TTC27: variants seen among roughly 807,000 people sequenced by gnomAD.
TTC27 encodes the protein tetratricopeptide repeat protein 27.
A neutral mutation model predicts 115.9 loss-of-function variants in TTC27; 79 were observed. The ratio of observed to expected loss-of-function variants is 0.68; its 90% CI spans 0.57 to 0.82. TTC27 has a LOEUF of 0.82. Ranked by LOEUF, TTC27 falls within the 40% of genes least tolerant of loss-of-function variation. The probability of loss-of-function intolerance (pLI) is 0.00; values close to 1 mark genes in which losing one functional copy is unlikely to be tolerated. For missense variants in TTC27, 1,054 were observed against 993.1 expected, an observed-to-expected ratio of 1.06 and a Z score of -0.82; for synonymous variants, 401 against 356.0, an observed-to-expected ratio of 1.13 and a Z score of -1.42.
intron 8 of TTC27, among the ~76,000 whole-genome samples, chr2:32,677,746 C>A (rs977082445): frequency 6.6e-6 from 1 of 152,174 alleles, no homozygotes; most frequent in African/African-American, 2.4e-5. Context: ...AGCCACCGTG[C>A]CCGGCCCAAA....
chr2:32,667,085 G>T (rs1466049419), intron 7 of TTC27, among the ~76,000 whole-genome samples: 1 of 152,046 alleles, frequency 6.6e-6, no homozygotes, highest in Non-Finnish European at 1.5e-5. Flanking sequence ...AAATACGAAA[G>T]GCAGACTGGG....
chr2:32,677,807 A>G (rs1666270201), intron 8 of TTC27, among the ~76,000 whole-genome samples: 1 of 152,264 alleles, frequency 6.6e-6, no homozygotes, highest in Non-Finnish European at 1.5e-5. Flanking sequence ...TGGATCAGCA[A>G]GATCTAAGAA....
At chr2:32,758,610 ATAACTGG>A in intron 13 of TTC27, 91 bp downstream of exon 13, 1 of 1,200,512 alleles carries the variant, frequency 8.3e-7, no homozygotes, top group South Asian at 1.4e-5. Flanking sequence ...TTCTAACCTG[ATAACTGG>A]TGAGTTTGTT....
intron 9 of TTC27, among the ~76,000 whole-genome samples, chr2:32,698,870 C>T (rs1415030981): frequency 6.6e-6 from 1 of 152,138 alleles, no homozygotes; most frequent in African/African-American, 2.4e-5. Context: ...CCCAGATTGC[C>T]TAGGTCACAG....
chr2:32,674,073 C>A (rs1419777453), intron 8 of TTC27, among the ~76,000 whole-genome samples: 2 of 152,090 alleles, frequency 1.3e-5, no homozygotes, highest in African/African-American at 4.8e-5. Context: ...AAAATAGAAT[C>A]CCTCACAAAG....
chr2:32,719,904 A>G (rs986643822), intron 10 of TTC27, among the ~76,000 whole-genome samples: 3 of 152,150 alleles, frequency 2.0e-5, no homozygotes, highest in African/African-American at 7.2e-5. Context: ...ATTGATCATG[A>G]GGGTAAGTCT....
intron 9 of TTC27, among the ~76,000 whole-genome samples, chr2:32,682,841 A>ATTTTTTTT (rs1559204114): frequency 3.2e-4 from 25 of 77,494 alleles, no homozygotes; most frequent in Non-Finnish European, 4.3e-4. Context: ...GATAATTTTT[A>ATTTTTTTT]TTGTTGTTTT....
chr2:32,646,800 T>C (rs1202148955), intron 4 of TTC27, among the ~76,000 whole-genome samples: 1 of 151,724 alleles, frequency 6.6e-6, no homozygotes, highest in Non-Finnish European at 1.5e-5. Flanking sequence ...CCTGACCTTG[T>C]GATCCGCCTG....
chr2:32,727,034 C>T (rs1668132948), intron 10 of TTC27, among the ~76,000 whole-genome samples: 1 of 152,118 alleles, frequency 6.6e-6, no homozygotes, highest in Non-Finnish European at 1.5e-5. Context: ...CAATTACCTC[C>T]CACCGGGTCC....
chr2:32,646,942 G>A (rs1346162947), intron 4 of TTC27, among the ~76,000 whole-genome samples: 1 of 149,340 alleles, frequency 6.7e-6, no homozygotes, highest in Non-Finnish European at 1.5e-5. Context: ...ATTTTTGAGA[G>A]TTCAGCATAT....
At chr2:32,698,259 A>G (rs1667060861) in intron 9 of TTC27, among the ~76,000 whole-genome samples, 1 of 151,856 alleles carries the variant, frequency 6.6e-6, no homozygotes, top group Non-Finnish European at 1.5e-5. Flanking sequence ...CCTCCTGAGT[A>G]GTTGGAACTA....
rs555280802 is a variant in TTC27, at chr2:32,733,098, A to G, written c.1234-730A>G. Among the ~76,000 whole-genome samples, 6 of 152,354 alleles carry G rather than the reference A, an allele frequency of 3.9e-5. No homozygotes were observed. In the South Asian group the frequency reaches 8.3e-4, roughly 21 times the overall value. On this transcript the variant is annotated intron_variant, in intron 10 of 19. Coordinates refer to ENST00000317907, the MANE Select transcript of TTC27 (RefSeq NM_017735.5). ...TGATGCTGAATACATGAGCTCTTCT[A>G]TGACGAATCATTTGACCACTGGATA...
intron 7 of TTC27, among the ~76,000 whole-genome samples, chr2:32,670,838 C>T (rs373001123): frequency 7.2e-5 from 11 of 152,018 alleles, no homozygotes; most frequent in Non-Finnish European, 1.2e-4. Flanking sequence ...AGGCTGGTCT[C>T]GAACTCCTGA....
At chr2:32,759,028 G>A (rs534061600) in intron 13 of TTC27, among the ~76,000 whole-genome samples, 28 of 152,212 alleles carry the variant, frequency 1.8e-4, no homozygotes, top group African/African-American at 6.3e-4. Flanking sequence ...AAAAAATAAT[G>A]CGAAAGGGTC....
chr2:32,638,528 G>A (rs972579361), intron 3 of TTC27, among the ~76,000 whole-genome samples: 3 of 151,986 alleles, frequency 2.0e-5, no homozygotes, highest in African/African-American at 7.2e-5. Flanking sequence ...ACAGGCATGT[G>A]CCACTATGCC....
rs138656306 is a variant in TTC27 at position 32,782,643 on chromosome 2, C to T, written c.1797C>T (p.Asn599=). 2,104 of 1,611,614 alleles carry T rather than the reference C, an allele frequency of 1.3e-3. 6 individuals carry two copies. The highest frequency in any genetic ancestry group is 3.5e-3 in the South Asian group (317 of 90,776). The part of the protein sequence containing the change: ...TLEPDNAEAW[N]NLSTSYIRLK... ...CATTTCAGAATGCTGAAGCTTGGAA[C>T]AATTTGTCAACTTCCTATATCCGAT... The change falls in exon 15 of 20, where the codon AAC becomes AAT. Residue 599 remains asparagine, a synonymous_variant. Coordinates refer to ENST00000317907, the MANE Select transcript of TTC27 (RefSeq NM_017735.5).
At chr2:32,724,384 G>T (rs1233913448) in intron 10 of TTC27, among the ~76,000 whole-genome samples, 1 of 152,136 alleles carries the variant, frequency 6.6e-6, no homozygotes, top group South Asian at 2.1e-4. Context: ...CAGTGGAAGG[G>T]CAGGGGAGTC....
At chr2:32,642,474 A>G (rs534275751) in intron 4 of TTC27, among the ~76,000 whole-genome samples, 1 of 151,680 alleles carries the variant, frequency 6.6e-6, no homozygotes, top group East Asian at 2.0e-4. Context: ...GTTGGTTTCA[A>G]ACTCCTAGCC....
chr2:32,652,832 C>G (rs1450298176), intron 5 of TTC27, among the ~76,000 whole-genome samples: 1 of 152,072 alleles, frequency 6.6e-6, no homozygotes, highest in Non-Finnish European at 1.5e-5. Flanking sequence ...GAAGGATCAT[C>G]AGAAAGTTGG....
Sources: allele counts gnomAD v4.1 joint callset (sites outside exome capture counted in the v4.1 genomes callset), GRCh38; gene constraint gnomAD v4.1.1; transcripts MANE v1.5; gene names NCBI Gene and HGNC (gene_info 2026-07-23, HGNC 2026-07-21).